The following C12orf56 variants were observed in gnomAD, a reference collection of about 807,000 sequenced individuals.
C12orf56 encodes the protein uncharacterized protein C12orf56.
In C12orf56, 71 loss-of-function variants were observed where a neutral mutation model predicts 69.9. The ratio of observed to expected loss-of-function variants is 1.02; its 90% confidence interval spans 0.84 to 1.24. The LOEUF is 1.24. Among genes scored for constraint, C12orf56 ranks in the 50% most tolerant of loss-of-function variants. The pLI is 0.00. For missense variants in C12orf56, 732 were observed against 738.5 expected, an observed-to-expected ratio of 0.99 and a Z score of 0.10; for synonymous variants, 276 against 274.1, an observed-to-expected ratio of 1.01 and a Z score of -0.07.
chr12:64,348,545 T>G (rs2039178753), intron 2 of C12orf56, among the ~76,000 whole-genome samples: 1 of 152,192 alleles, frequency 6.6e-6, no homozygotes, highest in African/African-American at 2.4e-5. Flanking sequence ...AAACTTCAGT[T>G]TCAAAATTGT....
intron 7 of C12orf56, 30 bp from the exon 8 acceptor site, chr12:64,284,783 A>G: frequency 6.7e-7 from 1 of 1,498,990 alleles, no homozygotes; most frequent in African/African-American, 1.4e-5. Context: ...AGGCAAAGAA[A>G]TGGCATGATT....
intron 2 of C12orf56, among the ~76,000 whole-genome samples, chr12:64,343,132 G>C (rs556900264): frequency 1.2e-4 from 18 of 152,266 alleles, no homozygotes; most frequent in African/African-American, 3.6e-4. Flanking sequence ...TGTAGAGAGG[G>C]CCAAATGAAG....
chr12:64,276,005 C>CA (rs1491460831), intron 9 of C12orf56, among the ~76,000 whole-genome samples: 18 of 128,644 alleles, frequency 1.4e-4, no homozygotes, highest in African/African-American at 4.6e-4. Context: ...ATACACACCC[C>CA]CCCCCGCGAG....
chr12:64,315,559 C>G (rs1168772409), intron 4 of C12orf56, among the ~76,000 whole-genome samples: 2 of 152,104 alleles, frequency 1.3e-5, no homozygotes, highest in Admixed American at 6.6e-5. Flanking sequence ...TTTGGAAACT[C>G]TTAAAATCAG....
rs75434067 is a variant in C12orf56 at position 64,293,665 on chromosome 12, T to C, written c.1114-7605A>G. ...TTATTATGACCTCCCATCTGCTCAC[T>C]GATTCATGAATTTTCACTTATAAAA... On this transcript the variant is annotated intron_variant, in intron 6 of 12. Coordinates refer to ENST00000543942, the MANE Select transcript of C12orf56 (RefSeq NM_001170633.2). 3.0e-4 allele frequency among the ~76,000 whole-genome samples: 46 copies of C among 152,366 alleles called. 1 individual carries two copies. In the East Asian group the frequency reaches 7.5e-3, roughly 25 times the overall value.
At chr12:64,333,290 G>A (rs1428378042) in intron 2 of C12orf56, among the ~76,000 whole-genome samples, 2 of 152,102 alleles carry the variant, frequency 1.3e-5, no homozygotes, top group African/African-American at 4.8e-5. Context: ...CGAGATTACC[G>A]AGGCTTATTT....
intron 5 of C12orf56, among the ~76,000 whole-genome samples, chr12:64,308,927 AG>A (rs1240798974): frequency 7.4e-4 from 51 of 68,676 alleles, no homozygotes; most frequent in African/African-American, 2.4e-3. Context: ...AAAGAAAGAA[AG>A]AAAGAAAGAA....
At chr12:64,383,669 T>A (rs2039751570) in intron 1 of C12orf56, among the ~76,000 whole-genome samples, 1 of 151,860 alleles carries the variant, frequency 6.6e-6, no homozygotes, top group Non-Finnish European at 1.5e-5. Flanking sequence ...GCCACCACGC[T>A]GGGCCCAATA....
At chr12:64,338,817 G>T (rs1316303978) in intron 2 of C12orf56, 2 of 1,072,298 alleles carry the variant, frequency 1.9e-6, no homozygotes, top group Non-Finnish European at 2.9e-6. Flanking sequence ...CTAGGCCGGT[G>T]AGCAGCAGGC....
At chr12:64,278,568 C>T (rs79823289) in intron 8 of C12orf56, among the ~76,000 whole-genome samples, 2,873 of 152,152 alleles carry the variant, frequency 0.019, 89 homozygotes, top group African/African-American at 0.065. Flanking sequence ...AGCGAATTGA[C>T]GTATGCATCA....
intron 6 of C12orf56, among the ~76,000 whole-genome samples, chr12:64,297,791 G>C (rs2136792205): frequency 6.6e-6 from 1 of 152,306 alleles, no homozygotes; most frequent in East Asian, 1.9e-4. Flanking sequence ...ATCACTGATG[G>C]ACATTTGGGT....
chr12:64,350,740 T>G (rs2039211415), intron 2 of C12orf56, among the ~76,000 whole-genome samples: 1 of 152,224 alleles, frequency 6.6e-6, no homozygotes, highest in Admixed American at 6.5e-5. Flanking sequence ...AAGTCTTATC[T>G]GAGATTCCTT....
chr12:64,378,015 G>A (rs968638920), intron 1 of C12orf56, among the ~76,000 whole-genome samples: 5 of 152,200 alleles, frequency 3.3e-5, no homozygotes, highest in Non-Finnish European at 7.3e-5. Flanking sequence ...CAGGTTTCTT[G>A]TCTGTAAAAC....
intron 11 of C12orf56, among the ~76,000 whole-genome samples, chr12:64,272,998 A>C (rs1343878299): frequency 6.6e-6 from 1 of 152,206 alleles, no homozygotes; most frequent in Non-Finnish European, 1.5e-5. Context: ...ATGCGTGTCC[A>C]TATATGGAAA....
chr12:64,353,417 A>G (rs1365466681), intron 1 of C12orf56, among the ~76,000 whole-genome samples: 3 of 151,562 alleles, frequency 2.0e-5, no homozygotes, highest in South Asian at 4.2e-4. Flanking sequence ...TCGGCCTCCC[A>G]CAGTGCTGGG....
At chr12:64,383,727 A>T (rs553519154) in intron 1 of C12orf56, among the ~76,000 whole-genome samples, 1 of 147,066 alleles carries the variant, frequency 6.8e-6, no homozygotes, top group South Asian at 2.1e-4. Flanking sequence ...GATACAATGT[A>T]AAAAAAAAAT....
At chr12:64,340,275 A>G (rs1177198173) in intron 2 of C12orf56, among the ~76,000 whole-genome samples, 2 of 152,110 alleles carry the variant, frequency 1.3e-5, no homozygotes, top group Non-Finnish European at 2.9e-5. Context: ...CCCACCCAGA[A>G]TAAGCGTGGG....
chr12:64,308,940 G>GAAAGAAAGAAAAAAGAAAGAAAGAAAAGA (rs35488127), intron 5 of C12orf56, among the ~76,000 whole-genome samples: 1 of 80,828 alleles, frequency 1.2e-5, no homozygotes, highest in Non-Finnish European at 2.5e-5. Flanking sequence ...AAGAAAGAAA[G>GAAAGAAAGAAAAAAGAAAGAAAGAAAAGA]AAGAAAGAAA....
At chr12:64,347,743 G>A (rs1394114929) in intron 2 of C12orf56, among the ~76,000 whole-genome samples, 1 of 152,170 alleles carries the variant, frequency 6.6e-6, no homozygotes, top group Non-Finnish European at 1.5e-5. Context: ...ACGTTTTAAA[G>A]GGAAGACAAA....
Sources: allele counts gnomAD v4.1 joint callset (sites outside exome capture counted in the v4.1 genomes callset), GRCh38; gene constraint gnomAD v4.1.1; transcripts MANE v1.5; gene names NCBI Gene and HGNC (gene_info 2026-07-23, HGNC 2026-07-21).